CHRNA7: variants seen among roughly 807,000 people sequenced by gnomAD.
The protein encoded by CHRNA7 is neuronal acetylcholine receptor subunit alpha-7.
CHRNA7 carries 17 observed loss-of-function variants against 48.0 expected under a neutral mutation model. The ratio of observed to expected loss-of-function variants is 0.35; its 90% CI spans 0.24 to 0.53. The LOEUF (loss-of-function observed/expected upper bound fraction) is 0.53. Among genes scored for constraint, CHRNA7 ranks in the 20% least tolerant of loss-of-function variants. CHRNA7 has a pLI of 0.92. For missense variants in CHRNA7, 155 were observed against 577.7 expected, an observed-to-expected ratio of 0.27 and a Z score of 7.50; for synonymous variants, 75 against 242.3, an observed-to-expected ratio of 0.31 and a Z score of 6.41.
intron 2 of CHRNA7, among the ~76,000 whole-genome samples, chr15:32,045,310 A>T (rs907963647): frequency 2.6e-5 from 4 of 152,108 alleles, no homozygotes; most frequent in African/African-American, 9.7e-5. Context: ...TATGGGAAAA[A>T]TGGTAGAGAT....
intron 2 of CHRNA7, among the ~76,000 whole-genome samples, chr15:32,083,537 T>C (rs375041126): frequency 1.3e-4 from 20 of 152,164 alleles, no homozygotes; most frequent in African/African-American, 4.3e-4. Context: ...ATGTAAAAAC[T>C]AGTGCAAATT....
intron 4 of CHRNA7, among the ~76,000 whole-genome samples, chr15:32,130,473 G>A (rs911405056): frequency 1.3e-5 from 2 of 150,986 alleles, no homozygotes; most frequent in African/African-American, 4.9e-5. Flanking sequence ...TGCTTTATCT[G>A]ATAATAATAT....
intron 2 of CHRNA7, among the ~76,000 whole-genome samples, chr15:32,043,493 C>G (rs1174751696): frequency 6.6e-6 from 1 of 151,388 alleles, no homozygotes; most frequent in African/African-American, 2.4e-5. Flanking sequence ...TTCTAATTTT[C>G]TCTTCTATTA....
intron 4 of CHRNA7, among the ~76,000 whole-genome samples, chr15:32,113,877 A>C (rs2050804683): frequency 6.6e-6 from 1 of 151,144 alleles, no homozygotes; most frequent in Non-Finnish European, 1.5e-5. Flanking sequence ...CAACAACAAC[A>C]AAATTAGCTG....
chr15:32,116,009 T>C (rs374545738), intron 4 of CHRNA7, among the ~76,000 whole-genome samples: 31 of 152,326 alleles, frequency 2.0e-4, no homozygotes, highest in African/African-American at 7.2e-4. Flanking sequence ...TGATATTCTG[T>C]TATTGGGGAT....
intron 2 of CHRNA7, among the ~76,000 whole-genome samples, chr15:32,067,423 A>T (rs1303955334): frequency 6.6e-6 from 1 of 152,224 alleles, no homozygotes; most frequent in African/African-American, 2.4e-5. Context: ...CCCAGTAAAA[A>T]TATCTTTCAA....
chr15:32,066,072 A>G (rs2049961311), intron 2 of CHRNA7, among the ~76,000 whole-genome samples: 1 of 152,266 alleles, frequency 6.6e-6, no homozygotes, highest in Non-Finnish European at 1.5e-5. Flanking sequence ...CACTGCCAAC[A>G]CTGGGGATTC....
rs1343435690 is a variant in CHRNA7, at chr15:32,153,550, G to A, written c.351-357G>A. On this transcript the variant is annotated intron_variant, in intron 4 of 9. Coordinates refer to ENST00000306901, the MANE Select transcript of CHRNA7 (RefSeq NM_000746.6). ...CCCATGAGGCTCACAGGGTGGCAGC[G>A]TGCCTCACCCACCCTCTGTTCTTCT... The A allele has an allele frequency of 3.0e-5, 10 of 330,180 alleles. 1 individual carries two copies. The highest frequency in any genetic ancestry group is 7.2e-5 in the East Asian group (1 of 13,956). The allele number at this position is 330,180 out of a possible 1,614,324, so 20.5% of individuals were successfully genotyped here. A position where few individuals can be genotyped will look rare whatever the true frequency, so the allele number is the denominator to read the frequency against.
intron 4 of CHRNA7, among the ~76,000 whole-genome samples, chr15:32,119,711 A>G (rs899320573): frequency 6.6e-6 from 1 of 151,986 alleles, no homozygotes; most frequent in African/African-American, 2.4e-5. Flanking sequence ...TCCAGAAGTT[A>G]TTATCTGTTC....
intron 2 of CHRNA7, among the ~76,000 whole-genome samples, chr15:32,054,441 T>G (rs2049749198): frequency 6.6e-6 from 1 of 152,196 alleles, no homozygotes; most frequent in African/African-American, 2.4e-5. Flanking sequence ...AAGTTATTCT[T>G]TAACCCTATT....
chr15:32,059,690 C>T (rs1410971167), intron 2 of CHRNA7, among the ~76,000 whole-genome samples: 1 of 152,016 alleles, frequency 6.6e-6, no homozygotes, highest in East Asian at 1.9e-4. Context: ...CAGAAAGAGA[C>T]AACTGAGCGA....
chr15:32,096,317 A>G (rs1248842612), intron 2 of CHRNA7, among the ~76,000 whole-genome samples: 4 of 151,960 alleles, frequency 2.6e-5, no homozygotes, highest in African/African-American at 7.3e-5. Flanking sequence ...TCTTTTGCCC[A>G]TTTTTCTATT....
At chr15:32,058,351 A>G (rs992306304) in intron 2 of CHRNA7, among the ~76,000 whole-genome samples, 10 of 152,242 alleles carry the variant, frequency 6.6e-5, no homozygotes, top group African/African-American at 2.2e-4. Context: ...TGTTTCTGAC[A>G]GGGACAGTTA....
At chr15:32,138,736 T>TTGTTTTGTTA (rs2051320490) in intron 4 of CHRNA7, among the ~76,000 whole-genome samples, 1 of 148,636 alleles carries the variant, frequency 6.7e-6, no homozygotes, top group African/African-American at 2.5e-5. Flanking sequence ...CTGTTATGTT[T>TTGTTTTGTTA]TGTTTTGTTT....
chr15:32,139,197 T>G (rs1369408587), intron 4 of CHRNA7, among the ~76,000 whole-genome samples: 1 of 152,230 alleles, frequency 6.6e-6, no homozygotes, highest in Non-Finnish European at 1.5e-5. Context: ...CATGGCTTGA[T>G]AGCCCATTTC....
intron 4 of CHRNA7, among the ~76,000 whole-genome samples, chr15:32,148,340 G>A (rs1296490335): frequency 2.0e-5 from 3 of 152,152 alleles, no homozygotes; most frequent in Admixed American, 1.3e-4. Context: ...GGTTATAAGA[G>A]CCGGGCTTCT....
chr15:32,051,395 A>G (rs1460217672), intron 2 of CHRNA7, among the ~76,000 whole-genome samples: 1 of 152,024 alleles, frequency 6.6e-6, no homozygotes, highest in Non-Finnish European at 1.5e-5. Flanking sequence ...TTGCAGTTTG[A>G]TCTCAGACTG....
chr15:32,074,838 G>A (rs900332405), intron 2 of CHRNA7, among the ~76,000 whole-genome samples: 1 of 151,872 alleles, frequency 6.6e-6, no homozygotes, highest in African/African-American at 2.4e-5. Context: ...CATTAGAGAT[G>A]AGGTTTCACC....
intron 3 of CHRNA7, among the ~76,000 whole-genome samples, chr15:32,103,695 C>A (rs1378004275): frequency 6.6e-6 from 1 of 152,198 alleles, no homozygotes; most frequent in East Asian, 1.9e-4. Flanking sequence ...CTGGCCCCTG[C>A]TGAGAGCCTG....
Sources: allele counts gnomAD v4.1 joint callset (sites outside exome capture counted in the v4.1 genomes callset), GRCh38; gene constraint gnomAD v4.1.1; transcripts MANE v1.5; gene names NCBI Gene and HGNC (gene_info 2026-07-23, HGNC 2026-07-21).